The following MSRB3 variants were observed in gnomAD, a reference collection of about 807,000 sequenced individuals.
MSRB3 encodes methionine sulfoxide reductase B3.
A neutral mutation model predicts 21.0 loss-of-function variants in MSRB3; 13 were observed. That is an observed-to-expected ratio of 0.62 (90% CI 0.40 to 0.98). The LOEUF (loss-of-function observed/expected upper bound fraction) is 0.98. MSRB3 is among the 50% of genes least tolerant of loss of function. The probability of loss-of-function intolerance (pLI) is 0.00; values close to 1 mark genes in which losing one functional copy is unlikely to be tolerated. For synonymous variants in MSRB3, 87 were observed against 88.6 expected, an observed-to-expected ratio of 0.98 and a Z score of 0.10; for missense variants, 199 against 230.3, an observed-to-expected ratio of 0.86 and a Z score of 0.88.
intron 5 of MSRB3, among the ~76,000 whole-genome samples, chr12:65,433,294 T>G (rs1243183423): frequency 6.6e-6 from 1 of 151,980 alleles, no homozygotes; most frequent in Admixed American, 6.6e-5. Context: ...TCATATTCTG[T>G]TAAAATTTTC....
At chr12:65,368,671 C>G (rs1292465025) in intron 4 of MSRB3, among the ~76,000 whole-genome samples, 2 of 152,018 alleles carry the variant, frequency 1.3e-5, no homozygotes, top group African/African-American at 4.8e-5. Context: ...TTTTGTATTG[C>G]TTTATTATCT....
At chr12:65,333,449 T>G (rs566485577) in intron 4 of MSRB3, among the ~76,000 whole-genome samples, 1 of 152,258 alleles carries the variant, frequency 6.6e-6, no homozygotes, top group East Asian at 1.9e-4. Flanking sequence ...TAGTAGAGAA[T>G]ACCATATGAG....
chr12:65,438,741 T>G (rs1882236837), intron 5 of MSRB3, among the ~76,000 whole-genome samples: 1 of 151,760 alleles, frequency 6.6e-6, no homozygotes, highest in Non-Finnish European at 1.5e-5. Context: ...ATATAGCATC[T>G]TGATATGGAA....
intron 5 of MSRB3, among the ~76,000 whole-genome samples, chr12:65,423,151 G>A (rs1415045744): frequency 1.3e-5 from 2 of 151,730 alleles, no homozygotes; most frequent in Admixed American, 1.3e-4. Flanking sequence ...TAGTAGAGAT[G>A]GGGTTTCACC....
At chr12:65,435,756 C>G (rs1344768244) in intron 5 of MSRB3, among the ~76,000 whole-genome samples, 1 of 151,840 alleles carries the variant, frequency 6.6e-6, no homozygotes, top group African/African-American at 2.4e-5. Context: ...TCTTGACATT[C>G]ATTTCTCATA....
chr12:65,325,619 G>C (rs1032180746), intron 2 of MSRB3, among the ~76,000 whole-genome samples: 3 of 151,810 alleles, frequency 2.0e-5, no homozygotes, highest in Non-Finnish European at 4.4e-5. Context: ...ATGACATTAG[G>C]TACCTTGAAC....
chr12:65,348,454 G>T (rs1163613638), intron 4 of MSRB3, among the ~76,000 whole-genome samples: 5 of 151,874 alleles, frequency 3.3e-5, no homozygotes, highest in Admixed American at 2.6e-4. Flanking sequence ...TTTTTTTATT[G>T]CATCTATTTG....
chr12:65,347,231 T>C (rs1876580203), intron 4 of MSRB3, among the ~76,000 whole-genome samples: 1 of 152,198 alleles, frequency 6.6e-6, no homozygotes, highest in Non-Finnish European at 1.5e-5. Context: ...GGAATGTTCT[T>C]CCATTTGTTT....
intron 5 of MSRB3, among the ~76,000 whole-genome samples, chr12:65,392,631 G>A (rs75259144): frequency 6.6e-6 from 1 of 152,094 alleles, no homozygotes; most frequent in Non-Finnish European, 1.5e-5. Context: ...CAAGAAATGC[G>A]ATCCTCTCAA....
At chr12:65,372,189 T>A (rs1878366967) in intron 5 of MSRB3, among the ~76,000 whole-genome samples, 1 of 152,324 alleles carries the variant, frequency 6.6e-6, no homozygotes, top group South Asian at 2.1e-4. Flanking sequence ...ATCGTGGCAT[T>A]TTCATGTCCA....
At chr12:65,327,539 T>G (rs973870323) in intron 3 of MSRB3, among the ~76,000 whole-genome samples, 1 of 152,232 alleles carries the variant, frequency 6.6e-6, no homozygotes, top group Admixed American at 6.5e-5. Flanking sequence ...TTTTAGTGAA[T>G]AAAGCCTCTC....
At chr12:65,377,990 G>A (rs1430833200) in intron 5 of MSRB3, among the ~76,000 whole-genome samples, 1 of 152,166 alleles carries the variant, frequency 6.6e-6, no homozygotes, top group African/African-American at 2.4e-5. Context: ...GATCCACGCA[G>A]GAGAGCCATT....
intron 2 of MSRB3, among the ~76,000 whole-genome samples, chr12:65,322,544 A>G (rs1448398355): frequency 6.6e-6 from 1 of 150,752 alleles, no homozygotes; most frequent in South Asian, 2.1e-4. Flanking sequence ...AATCCCAGCC[A>G]CTCTGGAGGC....
chr12:65,383,969 A>G (rs1476952474), intron 5 of MSRB3, among the ~76,000 whole-genome samples: 4 of 152,174 alleles, frequency 2.6e-5, no homozygotes, highest in Admixed American at 6.5e-5. Context: ...GAATTATTTT[A>G]AATGTAGAGA....
At chr12:65,345,644 A>T (rs982833110) in intron 4 of MSRB3, among the ~76,000 whole-genome samples, 4 of 152,164 alleles carry the variant, frequency 2.6e-5, no homozygotes, top group Non-Finnish European at 5.9e-5. Flanking sequence ...GGTTTGTTAC[A>T]TATGTATACA....
chr12:65,412,192 C>A (rs1880750208), intron 5 of MSRB3, among the ~76,000 whole-genome samples: 2 of 152,066 alleles, frequency 1.3e-5, no homozygotes, highest in South Asian at 4.1e-4. Context: ...GACAGATTTC[C>A]TTTAAACAAG....
chr12:65,360,908 G>A (rs944753179), intron 4 of MSRB3, among the ~76,000 whole-genome samples: 10 of 152,030 alleles, frequency 6.6e-5, no homozygotes, highest in Admixed American at 3.3e-4. Context: ...TAGGTCATTT[G>A]TGTTATTTTC....
intron 2 of MSRB3, among the ~76,000 whole-genome samples, chr12:65,324,405 T>C (rs1299989288): frequency 6.6e-6 from 1 of 152,206 alleles, no homozygotes; most frequent in Non-Finnish European, 1.5e-5. Context: ...GTAGCACAGT[T>C]AATGAGATGT....
At chr12:65,349,943 G>A (rs995804198) in intron 4 of MSRB3, among the ~76,000 whole-genome samples, 1 of 151,960 alleles carries the variant, frequency 6.6e-6, no homozygotes, top group Admixed American at 6.6e-5. Flanking sequence ...TTTGTCTTTT[G>A]TTGCCATTGC....
Sources: allele counts gnomAD v4.1 joint callset (sites outside exome capture counted in the v4.1 genomes callset), GRCh38; gene constraint gnomAD v4.1.1; transcripts MANE v1.5; gene names NCBI Gene and HGNC (gene_info 2026-07-23, HGNC 2026-07-21).